ANKRD30B: variants seen among roughly 807,000 people sequenced by gnomAD.
The protein encoded by ANKRD30B is ankyrin repeat domain 30B.
Under a neutral mutation model 202.2 loss-of-function variants are expected in ANKRD30B, and 144 were observed. That is an observed-to-expected ratio of 0.71 (90% confidence interval 0.62 to 0.82). The LOEUF is 0.82. Among genes scored for constraint, ANKRD30B ranks in the 40% least tolerant of loss-of-function variants. The probability of loss-of-function intolerance (pLI) is 0.00; values close to 1 mark genes in which losing one functional copy is unlikely to be tolerated. For missense variants in ANKRD30B, 1,487 were observed against 1,669.1 expected (o/e 0.89, Z 1.90); for synonymous variants, 508 against 561.3 (o/e 0.91, Z 1.34).
the ANKRD30B span, among the ~76,000 whole-genome samples, chr18:14,873,351 C>A: frequency 2.0e-5 from 3 of 151,838 alleles, no homozygotes; most frequent in Non-Finnish European, 4.4e-5. Flanking sequence ...TGGTGAAACT[C>A]CATCTCTACT....
chr18:14,809,520 T>G (rs1172013554), intron 26 of ANKRD30B, among the ~76,000 whole-genome samples: 2 of 150,734 alleles, frequency 1.3e-5, no homozygotes, highest in Non-Finnish European at 3.0e-5. Flanking sequence ...CACTATCTTA[T>G]CCATATGGAC....
chr18:14,830,581 A>C (rs1436753788), intron 33 of ANKRD30B, among the ~76,000 whole-genome samples: 1 of 152,164 alleles, frequency 6.6e-6, no homozygotes, highest in East Asian at 1.9e-4. Flanking sequence ...AAAAACAAAG[A>C]ATGTCATTTT....
intron 32 of ANKRD30B, among the ~76,000 whole-genome samples, chr18:14,824,151 A>G (rs1211602323): frequency 2.6e-5 from 4 of 151,642 alleles, no homozygotes; most frequent in African/African-American, 9.7e-5. Flanking sequence ...TACTCAATAC[A>G]GTTAGCTCCG....
chr18:14,921,702 C>T, the ANKRD30B span, among the ~76,000 whole-genome samples: 8 of 152,126 alleles, frequency 5.3e-5, no homozygotes, highest in Non-Finnish European at 1.0e-4. Context: ...AGAGAGTTGG[C>T]AGGTAAGGCT....
At position 14,796,298 on chromosome 18, in the gene ANKRD30B, A is replaced by G. The variant is rs1477539771; in HGVS notation, c.1855-45A>G. 3.1e-6 allele frequency: 5 copies of G among 1,609,840 alleles called. No homozygotes were observed. In the South Asian group the frequency reaches 5.5e-5, roughly 18 times the overall value. On this transcript the variant is annotated intron_variant, in intron 17 of 43. Transcript: ENST00000690538. Reference sequence around the variant, plus strand: ...TTGAATACTAACTACATATTTTAGGAAGCATATATTATGTATTAATTTTTG... The same window carrying G: ...TTGAATACTAACTACATATTTTAGGGAGCATATATTATGTATTAATTTTTG...
the ANKRD30B span, among the ~76,000 whole-genome samples, chr18:14,920,402 T>A: frequency 6.6e-6 from 1 of 152,176 alleles, no homozygotes; most frequent in Non-Finnish European, 1.5e-5. Context: ...TTAATTAAGG[T>A]AATGAGTGTC....
chr18:14,847,999 T>C (rs566834536), intron 39 of ANKRD30B, among the ~76,000 whole-genome samples: 42 of 152,116 alleles, frequency 2.8e-4, no homozygotes, highest in Non-Finnish European at 2.6e-4. Flanking sequence ...TTCTGTTCTA[T>C]ATTGTCTGTC....
intron 39 of ANKRD30B, among the ~76,000 whole-genome samples, chr18:14,847,147 A>G (rs753259920): frequency 6.8e-6 from 1 of 146,672 alleles, no homozygotes; most frequent in Non-Finnish European, 1.5e-5. Context: ...TGATTTAGTC[A>G]TATCTTTTTG....
chr18:14,818,502 C>G lies in ANKRD30B; in HGVS notation c.2641+3791C>G, dbSNP rs866793467. The stretch of plus-strand genomic sequence containing the variant: ...CATTAGGTATATCTCCTAATGCTAT[C>G]CCTCCCCCCTCCCCCCACCCTACAA... On this transcript the variant is annotated intron_variant, in intron 30 of 43. Transcript: ENST00000690538. Among the ~76,000 whole-genome samples the G allele has an allele frequency of 5.2e-5, 4 of 77,080 alleles. 1 individual carries two copies. Among genetic ancestry groups the G allele is most frequent in the Non-Finnish European group, 7.6e-5 (3 of 39,388 alleles). The allele number at this position is 77,080 out of a possible 152,430, so 50.6% of individuals were successfully genotyped here. A position where few individuals can be genotyped will look rare whatever the true frequency, so the allele number is the denominator to read the frequency against.
chr18:14,853,478 C>T (rs553508704), intron 42 of ANKRD30B, among the ~76,000 whole-genome samples: 10 of 150,820 alleles, frequency 6.6e-5, no homozygotes, highest in African/African-American at 1.7e-4. Context: ...ATTTGTGCTT[C>T]TAATACAGAA....
At chr18:14,845,822 A>T (rs985914505) in intron 39 of ANKRD30B, among the ~76,000 whole-genome samples, 3 of 152,174 alleles carry the variant, frequency 2.0e-5, no homozygotes, top group African/African-American at 7.2e-5. Context: ...TCATTGATGC[A>T]TTCTTTTTCC....
chr18:14,875,350 C>T, the ANKRD30B span, among the ~76,000 whole-genome samples: 4 of 152,170 alleles, frequency 2.6e-5, no homozygotes, highest in Admixed American at 6.5e-5. Context: ...GAGTTCAGAG[C>T]GGTCCTGGAA....
At chr18:14,753,122 A>G in intron 3 of ANKRD30B, 110 bp downstream of exon 3, 2 of 885,026 alleles carry the variant, frequency 2.3e-6, no homozygotes, top group Middle Eastern at 3.3e-4. Flanking sequence ...GAGTGAAAAT[A>G]ATTTGAAAGA....
chr18:14,937,730 T>TGTTGCTTTGCCTTTC, the ANKRD30B span, among the ~76,000 whole-genome samples: 1 of 152,236 alleles, frequency 6.6e-6, no homozygotes, highest in African/African-American at 2.4e-5. Context: ...TCCGTTCTTC[T>TGTTGCTTTGCCTTTC]GTTGCTTTGC....
At chr18:14,923,741 A>T in the ANKRD30B span, among the ~76,000 whole-genome samples, 1 of 152,350 alleles carries the variant, frequency 6.6e-6, no homozygotes, top group East Asian at 1.9e-4. Flanking sequence ...GTGGTCTTGG[A>T]TAAGATCTGC....
At chr18:14,821,644 G>T (rs1258607242) in intron 30 of ANKRD30B, among the ~76,000 whole-genome samples, 1 of 152,082 alleles carries the variant, frequency 6.6e-6, no homozygotes, top group Non-Finnish European at 1.5e-5. Context: ...TTTTTGTGGA[G>T]ACAGGGTTTC....
chr18:14,751,694 A>T (rs9303855), intron 1 of ANKRD30B, among the ~76,000 whole-genome samples: 138,508 of 152,230 alleles, frequency 0.91, 63,110 homozygotes, highest in Admixed American at 0.93. Context: ...TTTATTTGAA[A>T]CCAAAGTTTT....
At chr18:14,804,919 G>A (rs992227852) in intron 24 of ANKRD30B, among the ~76,000 whole-genome samples, 6 of 150,658 alleles carry the variant, frequency 4.0e-5, no homozygotes, top group African/African-American at 7.4e-5. Flanking sequence ...AAAATGGAGT[G>A]AACTCACTTC....
At chr18:14,826,498 A>C (rs1970663313) in intron 32 of ANKRD30B, among the ~76,000 whole-genome samples, 1 of 152,134 alleles carries the variant, frequency 6.6e-6, no homozygotes, top group African/African-American at 2.4e-5. Flanking sequence ...ACTTTTTGCA[A>C]CTAAAGCAGC....
Sources: allele counts gnomAD v4.1 joint callset (sites outside exome capture counted in the v4.1 genomes callset), GRCh38; gene constraint gnomAD v4.1.1; transcripts MANE v1.5; gene names NCBI Gene and HGNC (gene_info 2026-07-23, HGNC 2026-07-21).